JAKMIP1: variants seen among roughly 807,000 people sequenced by gnomAD.
JAKMIP1 encodes the protein janus kinase and microtubule-interacting protein 1.
A neutral mutation model predicts 113.0 loss-of-function variants in JAKMIP1; 33 were observed. That is an observed-to-expected ratio of 0.29 (90% CI 0.22 to 0.39). The LOEUF is 0.39. Ranked by LOEUF, JAKMIP1 falls within the 10% of genes least tolerant of loss-of-function variation. The probability of loss-of-function intolerance (pLI) is 1.00; values close to 1 mark genes in which losing one functional copy is unlikely to be tolerated. For synonymous variants in JAKMIP1, 480 were observed against 459.9 expected, an observed-to-expected ratio of 1.04 and a Z score of -0.56; for missense variants, 813 against 1,080.5, an observed-to-expected ratio of 0.75 and a Z score of 3.47.
intron 3 of JAKMIP1, among the ~76,000 whole-genome samples, 195 bp downstream of exon 3, chr4:6,105,278 G>T (rs534301524): frequency 6.6e-6 from 1 of 152,192 alleles, no homozygotes; most frequent in Admixed American, 6.5e-5. Flanking sequence ...TGACAAATGG[G>T]GAACTGTTCT....
At chr4:6,073,167 A>G (rs919753371) in intron 8 of JAKMIP1, among the ~76,000 whole-genome samples, 1 of 151,752 alleles carries the variant, frequency 6.6e-6, no homozygotes, top group African/African-American at 2.4e-5. Context: ...TCCCTCCAGC[A>G]GGCAGCAGGC....
rs1722576442 is a variant in JAKMIP1 at position 6,158,926 on chromosome 4, A to C, written c.-148+41327T>G. 6.6e-6 allele frequency among the ~76,000 whole-genome samples: 1 copy of C among 151,876 alleles called. No individual in the cohort carries two copies. Among genetic ancestry groups the C allele is most frequent in the Admixed American group, 6.6e-5 (1 of 15,252 alleles). On this transcript the variant is annotated intron_variant, in intron 1 of 20. Coordinates refer to ENST00000409021, the MANE Select transcript of JAKMIP1 (RefSeq NM_001099433.2). This position sits in a 1 kb window ranked among gnomAD's most constrained non-coding sequence, Gnocchi z 5.3. The stretch of plus-strand genomic sequence containing the variant: ...CAACATGGTGAAACCCCATCTCTAC[A>C]AAAAATACAAAAATTAGCGGGGCAT...
rs1428854285 is a variant in JAKMIP1 at position 6,080,452 on chromosome 4, G to T, written c.1102-140C>A. ...AAGAGATGATGGCCTGATATGGTTT[G>T]GCTGTGTCCCCACCCAAATCTCATC... On this transcript the variant is annotated intron_variant, in intron 6 of 20. Coordinates refer to ENST00000409021, the MANE Select transcript of JAKMIP1 (RefSeq NM_001099433.2). This position sits in a 1 kb window ranked among gnomAD's most constrained non-coding sequence, Gnocchi z 6.0. 1 of 1,046,492 alleles carries T rather than the reference G, an allele frequency of 9.6e-7. No individual in the cohort carries two copies. Among genetic ancestry groups the T allele is most frequent in the Non-Finnish European group, 1.4e-6 (1 of 736,732 alleles). 64.8% of individuals were successfully genotyped at this position (1,046,492 alleles called of 1,614,324 possible).
In JAKMIP1 at chr4:6,080,271, G is replaced by T. The variant is rs148653247; in HGVS notation, c.1143C>A (p.Thr381=). 1.2e-6 allele frequency: 2 copies of T among 1,614,078 alleles called. No individual in the cohort carries two copies. Among genetic ancestry groups the T allele is most frequent in the Non-Finnish European group, 8.5e-7 (1 of 1,180,042 alleles). ...TCGTCAGGCTGAGGTCATTCAAGGA[G>T]GTATGCCGCTTCAGAGACGCCTGCG... ...LSAQASLKRH[T]SLNDLSLTRD... Residue 381 remains threonine (T), a synonymous_variant, in exon 7 of 21, where the codon ACC becomes ACA. Coordinates refer to ENST00000409021, the MANE Select transcript of JAKMIP1 (RefSeq NM_001099433.2). This position sits in a 1 kb window ranked among gnomAD's most constrained non-coding sequence, Gnocchi z 6.0.
chr4:6,049,850 A>G lies in JAKMIP1; in HGVS notation c.1931T>C (p.Met644Thr), dbSNP rs780416525. 8 of 1,612,944 alleles carry G rather than the reference A, an allele frequency of 5.0e-6. No homozygotes were observed. Among genetic ancestry groups the G allele is most frequent in the Non-Finnish European group, 5.9e-6 (7 of 1,179,144 alleles). ...ATCGCCAAGGATATCTAATTTCTTCATAAGTTCAGAAACATTCACATCCTG... is the reference window on the plus strand; with the variant it reads ...ATCGCCAAGGATATCTAATTTCTTCGTAAGTTCAGAAACATTCACATCCTG... ...GVKDVNVSEL[M>T]KKLDILGDNG... The change falls in exon 15 of 21, where the codon ATG (methionine) becomes ACG (threonine). Residue 644 changes from methionine (M) to threonine (T), a missense_variant. This residue lies in a region of JAKMIP1 where 273 missense variants were observed against 426.6 expected (regional missense o/e 0.64). Transcript: ENST00000409021. This position sits in a 1 kb window ranked among gnomAD's most constrained non-coding sequence, Gnocchi z 7.0.
At chr4:6,190,202 TGG>T (rs35029408) in intron 1 of JAKMIP1, among the ~76,000 whole-genome samples, 1 of 151,646 alleles carries the variant, frequency 6.6e-6, no homozygotes, top group Non-Finnish European at 1.5e-5. Flanking sequence ...GAGCAGGCCA[TGG>T]GGGGGGCTGC....
chr4:6,185,826 G>A lies in JAKMIP1; in HGVS notation c.-148+14427C>T, dbSNP rs1000974688. Among the ~76,000 whole-genome samples, 3 of 152,182 alleles carry A rather than the reference G, an allele frequency of 2.0e-5. No homozygotes were observed. Reference sequence around the variant, plus strand: ...AACCCTCCTGATTAAGGCTCATTAAGGCAGGTGTTCTAGACAATACCTTTA... The same window carrying A: ...AACCCTCCTGATTAAGGCTCATTAAAGCAGGTGTTCTAGACAATACCTTTA... On this transcript the variant is annotated intron_variant, in intron 1 of 20. Coordinates refer to ENST00000409021, the MANE Select transcript of JAKMIP1 (RefSeq NM_001099433.2). The surrounding 1 kb of genome is among the most constrained non-coding windows in gnomAD (Gnocchi z 5.3).
chr4:6,090,915 C>G (rs1721981966), intron 3 of JAKMIP1, among the ~76,000 whole-genome samples: 1 of 151,204 alleles, frequency 6.6e-6, no homozygotes, highest in Non-Finnish European at 1.5e-5. Context: ...GTGTCAAAAC[C>G]CCACGTTGAC....
chr4:6,048,897 G>A lies in JAKMIP1; in HGVS notation c.1988C>T (p.Ala663Val), dbSNP rs1715318132. 2 of 1,613,778 alleles carry A rather than the reference G, an allele frequency of 1.2e-6. No individual in the cohort carries two copies. Among genetic ancestry groups the A allele is most frequent in the African/African-American group, 1.3e-5 (1 of 74,926 alleles). Residue 663 changes from alanine to valine, a missense_variant, in exon 16 of 21, where the codon GCA becomes GTA. Physicochemically the swap from Ala to Val is moderately conservative, Grantham distance 64. Around this residue, in one of 2 missense-constraint regions of JAKMIP1, gnomAD observed 273 missense variants for 426.6 expected, o/e 0.64. Coordinates refer to ENST00000409021, the MANE Select transcript of JAKMIP1 (RefSeq NM_001099433.2). ...AAGCACAGTTCCAGCTTGGATTATT[G>A]CAACCTGTTCTTCATTTCTCAAATT... ...NGNLRNEEQV[A>V]IIQAGTVLAL...
chr4:6,046,297 C>T (rs116065051), intron 16 of JAKMIP1, among the ~76,000 whole-genome samples: 136 of 152,330 alleles, frequency 8.9e-4, no homozygotes, highest in Middle Eastern at 3.4e-3. Flanking sequence ...TGGGAGGAGA[C>T]GAGCGGCAAC....
chr4:6,094,208 TCAAA>T lies in JAKMIP1; in HGVS notation c.625-8583_625-8580del, dbSNP rs1471759047. Among the ~76,000 whole-genome samples the T allele has an allele frequency of 1.3e-5, 2 of 152,058 alleles. No homozygotes were observed. Among genetic ancestry groups the T allele is most frequent in the Admixed American group, 6.6e-5 (1 of 15,266 alleles). On this transcript the variant is annotated intron_variant, in intron 3 of 20. Coordinates refer to ENST00000409021, the MANE Select transcript of JAKMIP1 (RefSeq NM_001099433.2). The surrounding 1 kb of genome is among the most constrained non-coding windows in gnomAD (Gnocchi z 4.2). The stretch of plus-strand genomic sequence containing the variant: ...TTTTATAAAAGCATAAAATAAAATC[TCAAA>T]CAATCTGTGCTAGCCCTGGGTCTAG...
chr4:6,158,925 C>A lies in JAKMIP1; in HGVS notation c.-148+41328G>T, dbSNP rs1221837668. Among the ~76,000 whole-genome samples, 1 of 151,834 alleles carries A rather than the reference C, an allele frequency of 6.6e-6. No homozygotes were observed. Among genetic ancestry groups the A allele is most frequent in the Non-Finnish European group, 1.5e-5 (1 of 67,954 alleles). On this transcript the variant is annotated intron_variant, in intron 1 of 20. Transcript: ENST00000409021. The surrounding 1 kb of genome is among the most constrained non-coding windows in gnomAD (Gnocchi z 5.3). Reference sequence around the variant, plus strand: ...CCAACATGGTGAAACCCCATCTCTACAAAAAATACAAAAATTAGCGGGGCA... The same window carrying A: ...CCAACATGGTGAAACCCCATCTCTAAAAAAAATACAAAAATTAGCGGGGCA...
At chr4:6,121,021 G>A (rs1419374703) in intron 1 of JAKMIP1, among the ~76,000 whole-genome samples, 1 of 152,080 alleles carries the variant, frequency 6.6e-6, no homozygotes. Context: ...CCAACATGGT[G>A]AAATCCTGTC....
intron 1 of JAKMIP1, among the ~76,000 whole-genome samples, chr4:6,128,455 G>C (rs538352751): frequency 6.6e-6 from 1 of 152,196 alleles, no homozygotes; most frequent in East Asian, 1.9e-4. Context: ...CAGGAGCGGG[G>C]AGGGAGGGAA....
At position 6,150,362 on chromosome 4, in the gene JAKMIP1, G is replaced by A. The variant is rs763415145; in HGVS notation, c.-147-37365C>T. On this transcript the variant is annotated intron_variant, in intron 1 of 20. Coordinates refer to ENST00000409021, the MANE Select transcript of JAKMIP1 (RefSeq NM_001099433.2). This position sits in a 1 kb window ranked among gnomAD's most constrained non-coding sequence, Gnocchi z 4.8. ...AAGCAGACTGCGGAGACCAGGGGCT[G>A]AGGTTGGCCCCCGGTGTCAGCTTCT... 1 of 152,226 alleles carries A rather than the reference G, an allele frequency of 6.6e-6. No homozygotes were observed. The highest frequency in any genetic ancestry group is 6.5e-5 in the Admixed American group (1 of 15,282). The allele number at this position is 152,226 out of a possible 1,614,324, so 9.4% of individuals were successfully genotyped here.
At position 6,084,937 on chromosome 4, in the gene JAKMIP1, C is replaced by A. The variant is rs1167217824; in HGVS notation, c.863G>T (p.Arg288Met). ...TTCAGCAATTTTTAGTTGAAATCGC[C>A]TCACATCTCGCTCGTCCATATGTTG... ...QDQHMDERDV[R>M]RFQLKIAELN... is the part of the protein sequence containing the mutation. The change falls in exon 5 of 21, where the codon AGG becomes ATG. Residue 288 changes from arginine to methionine, a missense_variant. This residue lies in a region of JAKMIP1 where 540 missense variants were observed against 653.9 expected (regional missense o/e 0.83). Transcript: ENST00000409021. 1 of 1,539,592 alleles carries A rather than the reference C, an allele frequency of 6.5e-7. No homozygotes were observed.
In JAKMIP1 at chr4:6,065,048, G is replaced by A; in HGVS notation, c.1303-40C>T. 1.2e-6 allele frequency: 2 copies of A among 1,612,784 alleles called. No individual in the cohort carries two copies. Among genetic ancestry groups the A allele is most frequent in the Non-Finnish European group, 8.5e-7 (1 of 1,179,528 alleles). On this transcript the variant is annotated intron_variant, in intron 8 of 20. Transcript: ENST00000409021. The surrounding 1 kb of genome is among the most constrained non-coding windows in gnomAD (Gnocchi z 5.1). Reference sequence around the variant, plus strand: ...TTGTATGATGTTAGCAACGACTGAGGATTGCCAGAGTCTACCAGTCCCTGG... The same window carrying A: ...TTGTATGATGTTAGCAACGACTGAGAATTGCCAGAGTCTACCAGTCCCTGG...
At position 6,042,948 on chromosome 4, in the gene JAKMIP1, C is replaced by A. The variant is rs1714525551; in HGVS notation, c.2029-721G>T. On this transcript the variant is annotated intron_variant, in intron 16 of 20. Transcript: ENST00000409021. The surrounding 1 kb of genome is among the most constrained non-coding windows in gnomAD (Gnocchi z 5.2). ...CAGGTAAGGGAGTGGGAGCTCTGTC[C>A]ACGTTCCCTCTGGGGTCTGGGCTGG... Among the ~76,000 whole-genome samples the A allele has an allele frequency of 6.6e-6, 1 of 151,988 alleles. No individual in the cohort carries two copies. Among genetic ancestry groups the A allele is most frequent in the Non-Finnish European group, 1.5e-5 (1 of 67,992 alleles).
In JAKMIP1 at chr4:6,088,685, G is replaced by A. The variant is rs1034279502; in HGVS notation, c.625-3056C>T. Among the ~76,000 whole-genome samples, 1 of 152,122 alleles carries A rather than the reference G, an allele frequency of 6.6e-6. No individual in the cohort carries two copies. The highest frequency in any genetic ancestry group is 2.1e-4 in the South Asian group (1 of 4,830). On this transcript the variant is annotated intron_variant, in intron 3 of 20. Coordinates refer to ENST00000409021, the MANE Select transcript of JAKMIP1 (RefSeq NM_001099433.2). The surrounding 1 kb of genome is among the most constrained non-coding windows in gnomAD (Gnocchi z 5.5). ...CCCCAGAGGTTAAGACACTGGCCACGCTCACGTAGCAAGAGGCAGGCACAC... is the reference window on the plus strand; with the variant it reads ...CCCCAGAGGTTAAGACACTGGCCACACTCACGTAGCAAGAGGCAGGCACAC...
Sources: gnomAD v4.1 joint callset for allele counts (sites outside exome capture counted in the v4.1 genomes callset) on GRCh38, gnomAD v4.1.1 for gene constraint, gnomAD v4.1.1 regional missense constraint, Gnocchi (gnomAD v3.1) non-coding constraint, MANE v1.5 for transcripts, NCBI Gene and HGNC (gene_info 2026-07-23, HGNC 2026-07-21) for gene names.